MMAB: variants seen among roughly 807,000 people sequenced by gnomAD.
MMAB encodes the protein metabolism of cobalamin associated B.
Under a neutral mutation model 30.6 loss-of-function variants are expected in MMAB, and 17 were observed. The ratio of observed to expected loss-of-function variants is 0.56; its 90% CI spans 0.38 to 0.83. The LOEUF (loss-of-function observed/expected upper bound fraction) is 0.83, where lower values mean the gene tolerates loss of function less well. Ranked by LOEUF, MMAB falls within the 40% of genes least tolerant of loss-of-function variation. MMAB has a pLI of 0.00. For missense variants in MMAB, 311 were observed against 331.6 expected (o/e 0.94, Z 0.48); for synonymous variants, 134 against 138.6 (o/e 0.97, Z 0.23).
Position 109,571,645 on chromosome 12 carries a change from C to G in MMAB, c.196+4G>C. The G allele has an allele frequency of 6.2e-7, 1 of 1,613,840 alleles. No individual in the cohort carries two copies. Among genetic ancestry groups the G allele is most frequent in the Non-Finnish European group, 8.5e-7 (1 of 1,179,704 alleles). On this transcript the variant is annotated splice_donor_region_variant and intron_variant, in intron 2 of 8. Coordinates refer to ENST00000545712, the MANE Select transcript of MMAB (RefSeq NM_052845.4). ...TTTGCATTTTTCACCTGTCCCCACC[C>G]TACCTTTGTCTCCCGTTTTGGTGTA...
chr12:109,561,867 A>G lies in MMAB; in HGVS notation c.349-15T>C. On this transcript the variant is annotated splice_polypyrimidine_tract_variant and intron_variant, in intron 4 of 8. Transcript: ENST00000545712. This position sits in a 1 kb window ranked among gnomAD's most constrained non-coding sequence, Gnocchi z 5.3. ...GTGCACTGGATCTGGGGGGCGACAG[A>G]AAGTGACAGTCAAGATCTATGTGAG... is the stretch of plus-strand genomic sequence containing the variant. The G allele has an allele frequency of 6.3e-7, 1 of 1,595,432 alleles. No homozygotes were observed. The highest frequency in any genetic ancestry group is 8.5e-7 in the Non-Finnish European group (1 of 1,169,658).
chr12:109,561,409 C>A lies in MMAB; in HGVS notation c.519+11G>T. The A allele has an allele frequency of 6.4e-7, 1 of 1,550,442 alleles. No individual in the cohort carries two copies. Among genetic ancestry groups the A allele is most frequent in the Non-Finnish European group, 8.7e-7 (1 of 1,146,764 alleles). ...TGCAGCCGCCCCCGGTTAAGCCTGCCCAGTACCTACAGGCAGGATGAAGGC... is the reference window on the plus strand; with the variant it reads ...TGCAGCCGCCCCCGGTTAAGCCTGCACAGTACCTACAGGCAGGATGAAGGC... On this transcript the variant is annotated intron_variant, in intron 6 of 8. Transcript: ENST00000545712. This position sits in a 1 kb window ranked among gnomAD's most constrained non-coding sequence, Gnocchi z 5.3.
chr12:109,564,705 G>A, intron 4 of MMAB: 1 of 305,792 alleles, frequency 3.3e-6, no homozygotes, highest in South Asian at 3.3e-5. Context: ...CTGAGACAGG[G>A]TCTCAATCTC....
chr12:109,557,126 A>G lies in MMAB; in HGVS notation c.655T>C (p.Tyr219His). ...VAKFLNRLSD[Y>H]LFTLARYAAM... ...GCATATCTGGCTAGCGTGAAGAGAT[A>G]GTCACTGAGTCTGGAGGGGCAGAGA... is the stretch of plus-strand genomic sequence containing the variant. Residue 219 changes from tyrosine (Y) to histidine (H), a missense_variant, in exon 9 of 9, where the codon TAT (tyrosine) becomes CAT (histidine). By Grantham distance (83) the Tyr-to-His change is moderately conservative. Coordinates refer to ENST00000545712, the MANE Select transcript of MMAB (RefSeq NM_052845.4). The G allele has an allele frequency of 6.2e-7, 1 of 1,610,054 alleles. No homozygotes were observed. The highest frequency in any genetic ancestry group is 8.5e-7 in the Non-Finnish European group (1 of 1,176,234).
chr12:109,553,984 A>T lies in MMAB; in HGVS notation c.*3044T>A, dbSNP rs1229848376. 1 of 454,118 alleles carries T rather than the reference A, an allele frequency of 2.2e-6. No individual in the cohort carries two copies. Among genetic ancestry groups the T allele is most frequent in the Admixed American group, 2.3e-5 (1 of 42,574 alleles). 28.1% of individuals were successfully genotyped at this position (454,118 alleles called of 1,614,324 possible). On this transcript the variant is annotated 3_prime_UTR_variant, in exon 9 of 9. Coordinates refer to ENST00000545712, the MANE Select transcript of MMAB (RefSeq NM_052845.4). ...AAAACGCACATTAACGATAGCCATGAAATATTAGTTAAGGGAAACTAGGTT... is the reference window on the plus strand; with the variant it reads ...AAAACGCACATTAACGATAGCCATGTAATATTAGTTAAGGGAAACTAGGTT...
Position 109,555,286 on chromosome 12 carries a change from T to TGTTTGTTTGTTTG in MMAB, c.*1741_*1742insCAAACAAACAAAC. 2.5e-5 allele frequency: 9 copies of TGTTTGTTTGTTTG among 354,562 alleles called. No individual in the cohort carries two copies. Among genetic ancestry groups the TGTTTGTTTGTTTG allele is most frequent in the Admixed American group, 9.3e-5 (3 of 32,294 alleles). 22.0% of individuals were successfully genotyped at this position (354,562 alleles called of 1,614,324 possible). ...ATTGCGTTTTCAGGGTTTTTTTTTT[T>TGTTTGTTTGTTTG]TTTTTTTTTTTTTTGTGACGGAGTC... On this transcript the variant is annotated 3_prime_UTR_variant, in exon 9 of 9. Coordinates refer to ENST00000545712, the MANE Select transcript of MMAB (RefSeq NM_052845.4).
rs566008999 is a variant in MMAB, at chr12:109,563,907, C to T, written c.348+1212G>A. 2.6e-5 allele frequency among the ~76,000 whole-genome samples: 4 copies of T among 152,302 alleles called. No individual in the cohort carries two copies. The East Asian group carries it at 7.7e-4, about 29-fold the overall frequency. On this transcript the variant is annotated intron_variant, in intron 4 of 8. Transcript: ENST00000545712. Reference sequence around the variant, plus strand: ...TGGGTCCATGTGGAGGTGGAAAGTGCGGCACCCTGGGCATTCTGGGGTGGT... The same window carrying T: ...TGGGTCCATGTGGAGGTGGAAAGTGTGGCACCCTGGGCATTCTGGGGTGGT...
Position 109,564,692 on chromosome 12 carries a change from G to A in MMAB, c.348+427C>T, listed in dbSNP as rs141234420. On this transcript the variant is annotated intron_variant, in intron 4 of 8. Transcript: ENST00000545712. ...CAGGCTTAATTGAACCATGGTGCTC[G>A]GCCTGAGACAGGGTCTCAATCTCTT... 339 of 261,114 alleles carry A rather than the reference G, an allele frequency of 1.3e-3. 1 individual carries two copies. The highest frequency in any genetic ancestry group is 6.9e-3 in the African/African-American group (312 of 45,080). 16.2% of individuals were successfully genotyped at this position (261,114 alleles called of 1,614,324 possible).
chr12:109,561,909 C>CA lies in MMAB; in HGVS notation c.349-58dup. The stretch of plus-strand genomic sequence containing the variant: ...CTATGTGAGATGGGCTGGACAGAGA[C>CA]AATGTGCAGAGGCGCCACCTAATAC... On this transcript the variant is annotated intron_variant, in intron 4 of 8. Transcript: ENST00000545712. The surrounding 1 kb of genome is among the most constrained non-coding windows in gnomAD (Gnocchi z 5.3). 1 of 1,502,420 alleles carries CA rather than the reference C, an allele frequency of 6.7e-7. No individual in the cohort carries two copies. Among genetic ancestry groups the CA allele is most frequent in the South Asian group, 1.2e-5 (1 of 84,344 alleles). 93.1% of individuals were successfully genotyped at this position (1,502,420 alleles called of 1,614,324 possible).
intron 1 of MMAB, 98 bp from the exon 2 acceptor site, chr12:109,571,808 A>G (rs1424715476): frequency 4.2e-6 from 4 of 958,374 alleles, no homozygotes; most frequent in African/African-American, 1.6e-5. Context: ...GTAACCTCAG[A>G]GGCAGCACTT....
At chr12:109,566,106 G>C (rs960203431) in intron 3 of MMAB, among the ~76,000 whole-genome samples, 2 of 152,206 alleles carry the variant, frequency 1.3e-5, no homozygotes, top group Non-Finnish European at 2.9e-5. Context: ...CACTCAGCAG[G>C]GAGGGAGTTA....
chr12:109,564,380 T>G (rs1049736869), intron 4 of MMAB, among the ~76,000 whole-genome samples: 2 of 77,972 alleles, frequency 2.6e-5, no homozygotes, highest in Non-Finnish European at 6.3e-5. Flanking sequence ...GAGACAGAGG[T>G]TTTTTTTTTT....
intron 3 of MMAB, 63 bp from the exon 4 acceptor site, chr12:109,565,239 T>C: frequency 1.6e-6 from 2 of 1,266,542 alleles, no homozygotes; most frequent in Admixed American, 3.4e-5. Flanking sequence ...TGTCTTGCCA[T>C]AAACAATAGA....
chr12:109,573,350 TC>T lies in MMAB; in HGVS notation c.130del (p.Asp44ThrfsTer49), dbSNP rs1884733876. 6.2e-7 allele frequency: 1 copy of T among 1,613,164 alleles called. No homozygotes were observed. The highest frequency in any genetic ancestry group is 8.5e-7 in the Non-Finnish European group (1 of 1,179,856). On this transcript the variant is annotated frameshift_variant, in exon 1 of 9. Coordinates refer to ENST00000545712, the MANE Select transcript of MMAB (RefSeq NM_052845.4). LOFTEE classifies it high-confidence loss of function. The stretch of plus-strand genomic sequence containing the variant: ...GCCCTTCCCGCCAGCCACTCACCTG[TC>T]CCCGTCTTCCACGCCCTGAGGGCCG... ...SRGPQGVEDG[D>X]RPQPSSKTPR... is the part of the protein sequence containing the mutation.
chr12:109,555,672 A>C lies in MMAB; in HGVS notation c.*1356T>G. ...GCCACCTCCTGGAAGGCATTCACAC[A>C]CTCCTGGTCATCTGCACCTCACCCA... On this transcript the variant is annotated 3_prime_UTR_variant, in exon 9 of 9. Transcript: ENST00000545712. 2.2e-6 allele frequency: 1 copy of C among 450,646 alleles called. No individual in the cohort carries two copies. Among genetic ancestry groups the C allele is most frequent in the Non-Finnish European group, 4.4e-6 (1 of 225,222 alleles). 27.9% of individuals were successfully genotyped at this position (450,646 alleles called of 1,614,324 possible).
Position 109,561,475 on chromosome 12 carries a change from T to C in MMAB, c.464A>G (p.Gln155Arg), listed in dbSNP as rs776126789. The change falls in exon 6 of 9, where the codon CAG (glutamine) becomes CGG (arginine). Residue 155 changes from glutamine (Q) to arginine (R), a missense_variant. Transcript: ENST00000545712. This position sits in a 1 kb window ranked among gnomAD's most constrained non-coding sequence, Gnocchi z 5.3. ...CTGGCTGGTGTACTTGTCGATCCAC[T>C]GCTCCAGCTCCAGGATGGGCCCCGC... ...FKAGPILELE[Q>R]WIDKYTSQLP... The C allele has an allele frequency of 5.2e-6, 8 of 1,550,612 alleles. No individual in the cohort carries two copies. Among genetic ancestry groups the C allele is most frequent in the South Asian group, 1.2e-5 (1 of 84,042 alleles).
chr12:109,560,914 T>A, intron 7 of MMAB, 126 bp downstream of exon 7: 1 of 956,176 alleles, frequency 1.0e-6, no homozygotes, highest in Non-Finnish European at 1.6e-6. Context: ...TGTACCTGCC[T>A]CCTGCCCGCT....
intron 3 of MMAB, among the ~76,000 whole-genome samples, 168 bp from the exon 4 acceptor site, chr12:109,565,344 C>T (rs530662808): frequency 1.5e-4 from 23 of 152,096 alleles, no homozygotes; most frequent in Non-Finnish European, 2.8e-4. Context: ...CATTTGGGGG[C>T]GGTGGTATTT....
In MMAB at chr12:109,556,223, T is replaced by C. The variant is rs537849087; in HGVS notation, c.*805A>G. On this transcript the variant is annotated 3_prime_UTR_variant, in exon 9 of 9. Transcript: ENST00000545712. ...TGCAACATCGGAGAAATCAGTCTGG[T>C]GGATGTCAGCCTTGCTGGAAACTGA... The C allele has an allele frequency of 7.9e-5, 36 of 454,122 alleles. No homozygotes were observed. The highest frequency in any genetic ancestry group is 6.4e-4 in the African/African-American group (32 of 50,122). 28.1% of individuals were successfully genotyped at this position (454,122 alleles called of 1,614,324 possible). A position where few individuals can be genotyped will look rare whatever the true frequency, so the allele number is the denominator to read the frequency against.
Sources: gnomAD v4.1 joint callset for allele counts (sites outside exome capture counted in the v4.1 genomes callset) on GRCh38, gnomAD v4.1.1 for gene constraint, Gnocchi (gnomAD v3.1) non-coding constraint, MANE v1.5 for transcripts, NCBI Gene and HGNC (gene_info 2026-07-23, HGNC 2026-07-21) for gene names.